PTK7: variants seen among roughly 807,000 people sequenced by gnomAD.
The protein encoded by PTK7 is inactive tyrosine-protein kinase 7.
In PTK7, 39 loss-of-function variants were observed where a neutral mutation model predicts 116.6. The observed-to-expected ratio is 0.33, with a 90% CI of 0.26 to 0.44. The LOEUF (loss-of-function observed/expected upper bound fraction) is 0.44. Among genes scored for constraint, PTK7 ranks in the 20% least tolerant of loss-of-function variants. PTK7 has a pLI of 1.00. For synonymous variants in PTK7, 546 were observed against 563.6 expected (o/e 0.97, Z 0.44); for missense variants, 1,169 against 1,425.6 (o/e 0.82, Z 2.90).
At chr6:43,142,505 G>A in intron 13 of PTK7, 1 of 724,344 alleles carries the variant, frequency 1.4e-6, no homozygotes, top group South Asian at 1.6e-5. Flanking sequence ...AACGGTCGGT[G>A]TGTGTGTGTG....
intron 1 of PTK7, among the ~76,000 whole-genome samples, chr6:43,127,821 C>T (rs373307399): frequency 3.3e-5 from 5 of 152,052 alleles, no homozygotes; most frequent in Middle Eastern, 3.4e-3. Context: ...CCCAGCTACT[C>T]GGGAGGCTGA....
In PTK7 at chr6:43,143,792, C is replaced by T. The variant is rs778443941; in HGVS notation, c.2251+172C>T. The stretch of plus-strand genomic sequence containing the variant: ...GCCTGGAGTTGGATTCCCAGGGCCT[C>T]GTCTTCTGAGCAACCTGGCTTGAGA... On this transcript the variant is annotated intron_variant, in intron 14 of 19. Coordinates refer to ENST00000230419, the MANE Select transcript of PTK7 (RefSeq NM_002821.5). This position sits in a 1 kb window ranked among gnomAD's most constrained non-coding sequence, Gnocchi z 4.2. Among the ~76,000 whole-genome samples the T allele has an allele frequency of 1.3e-5, 2 of 152,212 alleles. No homozygotes were observed. The highest frequency in any genetic ancestry group is 2.9e-5 in the Non-Finnish European group (2 of 68,028).
chr6:43,148,118 G>A (rs1238162871), intron 17 of PTK7, among the ~76,000 whole-genome samples: 2 of 152,234 alleles, frequency 1.3e-5, no homozygotes, highest in South Asian at 2.1e-4. Context: ...AACCGGGCGT[G>A]GGGGCATGCC....
At chr6:43,097,779 C>G (rs1767342093) in intron 1 of PTK7, among the ~76,000 whole-genome samples, 1 of 152,158 alleles carries the variant, frequency 6.6e-6, no homozygotes, top group Admixed American at 6.5e-5. Flanking sequence ...AAATCTTATC[C>G]CTGATCTCTG....
intron 1 of PTK7, among the ~76,000 whole-genome samples, chr6:43,128,449 A>G (rs145635315): frequency 5.9e-5 from 9 of 152,302 alleles, no homozygotes; most frequent in African/African-American, 1.2e-4. Context: ...AGGAGAGGCT[A>G]CTGTGTCTTT....
At chr6:43,116,149 G>A in intron 1 of PTK7, among the ~76,000 whole-genome samples, 1 of 152,074 alleles carries the variant, frequency 6.6e-6, no homozygotes, top group African/African-American at 2.4e-5. Context: ...CAACCCCCTT[G>A]TAAGACCCCT....
intron 1 of PTK7, among the ~76,000 whole-genome samples, chr6:43,109,031 T>C (rs1281460818): frequency 6.6e-6 from 1 of 152,216 alleles, no homozygotes; most frequent in African/African-American, 2.4e-5. Flanking sequence ...CTAACATTCT[T>C]CAAAGGTGGC....
At chr6:43,110,254 T>G (rs1246134324) in intron 1 of PTK7, among the ~76,000 whole-genome samples, 2 of 152,054 alleles carry the variant, frequency 1.3e-5, no homozygotes, top group African/African-American at 4.8e-5. Context: ...CTTTCCAAAG[T>G]GCTGGGATTA....
chr6:43,136,604 C>T (rs1259835847), intron 7 of PTK7, among the ~76,000 whole-genome samples: 1 of 152,128 alleles, frequency 6.6e-6, no homozygotes. Flanking sequence ...GGCTTCCTCA[C>T]CTGGCAGCTG....
chr6:43,139,851 C>T lies in PTK7; in HGVS notation c.1618+326C>T, dbSNP rs1001278521. On this transcript the variant is annotated intron_variant, in intron 10 of 19. Transcript: ENST00000230419. This position sits in a 1 kb window ranked among gnomAD's most constrained non-coding sequence, Gnocchi z 4.6. ...CATGGAGGCCGTGCATAGTGGCTCA[C>T]GCCTGTAATCCCAACACTTTGGGAA... Among the ~76,000 whole-genome samples, 2 of 152,246 alleles carry T rather than the reference C, an allele frequency of 1.3e-5. No individual in the cohort carries two copies. The highest frequency in any genetic ancestry group is 2.9e-5 in the Non-Finnish European group (2 of 68,038).
chr6:43,144,567 C>T lies in PTK7; in HGVS notation c.2368C>T (p.His790Tyr), dbSNP rs1582195978. The T allele has an allele frequency of 1.9e-6, 3 of 1,614,024 alleles. No homozygotes were observed. Among genetic ancestry groups the T allele is most frequent in the Non-Finnish European group, 2.5e-6 (3 of 1,179,934 alleles). The part of the protein sequence containing the change: ...NKRHSTSDKM[H>Y]FPRSSLQPIT... ...ACGCCACAGCACAAGTGATAAGATG[C>T]ACTTCCCACGGTCTAGCCTGCAGCC... Residue 790 changes from histidine (H) to tyrosine (Y), a missense_variant, in exon 15 of 20, where the codon CAC (histidine) becomes TAC (tyrosine). His to Tyr is a moderately conservative substitution (Grantham distance 83). This residue lies in a region of PTK7 where 678 missense variants were observed against 853.8 expected (regional missense o/e 0.79). Coordinates refer to ENST00000230419, the MANE Select transcript of PTK7 (RefSeq NM_002821.5).
chr6:43,160,939 A>T lies in PTK7; in HGVS notation c.*58A>T. 6.3e-7 allele frequency: 1 copy of T among 1,581,380 alleles called. No individual in the cohort carries two copies. The highest frequency in any genetic ancestry group is 8.6e-7 in the Non-Finnish European group (1 of 1,164,222). On this transcript the variant is annotated 3_prime_UTR_variant, in exon 20 of 20. Coordinates refer to ENST00000230419, the MANE Select transcript of PTK7 (RefSeq NM_002821.5). ...GGAGGACATCTCTAGAGGGAAGCTCACAGCATGATGGGCAAGATCCCTGTC... is the reference window on the plus strand; with the variant it reads ...GGAGGACATCTCTAGAGGGAAGCTCTCAGCATGATGGGCAAGATCCCTGTC...
At chr6:43,078,552 C>G (rs1029399202) in intron 1 of PTK7, among the ~76,000 whole-genome samples, 16 of 152,126 alleles carry the variant, frequency 1.1e-4, no homozygotes, top group African/African-American at 3.6e-4. Flanking sequence ...TAATAGATCA[C>G]AGTAGATGTT....
intron 1 of PTK7, among the ~76,000 whole-genome samples, chr6:43,081,324 C>T (rs1766364814): frequency 6.6e-6 from 1 of 152,188 alleles, no homozygotes; most frequent in African/African-American, 2.4e-5. Context: ...TTTTAATTTA[C>T]TGAGGGGCTC....
chr6:43,130,748 C>G, intron 5 of PTK7, 87 bp downstream of exon 5: 1 of 1,507,976 alleles, frequency 6.6e-7, no homozygotes, highest in Non-Finnish European at 9.1e-7. Context: ...TCACAGACAT[C>G]ACAGATTTGT....
chr6:43,130,457 C>A, intron 4 of PTK7, 37 bp downstream of exon 4: 1 of 1,608,366 alleles, frequency 6.2e-7, no homozygotes, highest in Non-Finnish European at 8.5e-7. Context: ...ATGAGGTGAG[C>A]ACAGGAGGGC....
chr6:43,080,923 C>T (rs567733270), intron 1 of PTK7, among the ~76,000 whole-genome samples: 32 of 150,868 alleles, frequency 2.1e-4, no homozygotes, highest in African/African-American at 9.8e-5. Flanking sequence ...GCCTGGGCGA[C>T]GGAACGAGAC....
intron 17 of PTK7, among the ~76,000 whole-genome samples, chr6:43,147,835 T>C (rs1770812831): frequency 1.3e-5 from 2 of 152,168 alleles, no homozygotes; most frequent in African/African-American, 4.8e-5. Context: ...GTATAGTGGC[T>C]GTAGAGGAGA....
intron 13 of PTK7, 170 bp downstream of exon 13, chr6:43,142,469 G>T: frequency 9.3e-7 from 1 of 1,079,442 alleles, no homozygotes; most frequent in African/African-American, 1.6e-5. Context: ...CTTGCTCAGA[G>T]CCGGGCTGTC....
Sources: gnomAD v4.1 joint callset for allele counts (sites outside exome capture counted in the v4.1 genomes callset) on GRCh38, gnomAD v4.1.1 for gene constraint, gnomAD v4.1.1 regional missense constraint, Gnocchi (gnomAD v3.1) non-coding constraint, MANE v1.5 for transcripts, NCBI Gene and HGNC (gene_info 2026-07-23, HGNC 2026-07-21) for gene names.